Variants in DPY19L4 observed in about 807,000 individuals in gnomAD.
DPY19L4 encodes the protein probable C-mannosyltransferase DPY19L4.
DPY19L4 carries 97 observed loss-of-function variants against 102.8 expected under a neutral mutation model. The observed-to-expected ratio is 0.94, with a 90% CI of 0.80 to 1.12. The LOEUF is 1.12. Among genes scored for constraint, DPY19L4 ranks in the 50% most tolerant of loss-of-function variants. The pLI is 0.00. For synonymous variants in DPY19L4, 252 were observed against 283.1 expected (o/e 0.89, Z 1.10); for missense variants, 815 against 850.4 (o/e 0.96, Z 0.52).
At chr8:94,774,703 G>A (rs189792757) in intron 13 of DPY19L4, among the ~76,000 whole-genome samples, 2 of 151,230 alleles carry the variant, frequency 1.3e-5, no homozygotes, top group Admixed American at 1.3e-4. Flanking sequence ...TCAGCCTCCT[G>A]AGTAACTGGG....
intron 6 of DPY19L4, among the ~76,000 whole-genome samples, chr8:94,748,845 G>A (rs1285587909): frequency 6.6e-6 from 1 of 152,108 alleles, no homozygotes; most frequent in Non-Finnish European, 1.5e-5. Context: ...ATGATCTGAG[G>A]TGGAACAATT....
intron 7 of DPY19L4, among the ~76,000 whole-genome samples, chr8:94,759,723 G>A (rs925042292): frequency 3.3e-5 from 5 of 150,850 alleles, no homozygotes; most frequent in African/African-American, 9.8e-5. Context: ...GGCTGGTCTC[G>A]AACTCCCGAC....
intron 2 of DPY19L4, among the ~76,000 whole-genome samples, chr8:94,732,132 A>G (rs145282004): frequency 6.6e-6 from 1 of 150,792 alleles, no homozygotes; most frequent in African/African-American, 2.5e-5. Context: ...TAGTTACTCT[A>G]TACTAGTTTG....
Position 94,720,016 on chromosome 8 carries a change from TGA to T in DPY19L4, c.16+3_16+4del. 1.3e-6 allele frequency: 2 copies of T among 1,524,986 alleles called. No homozygotes were observed. Among genetic ancestry groups the T allele is most frequent in the South Asian group, 2.5e-5 (2 of 81,630 alleles). The allele number at this position is 1,524,986 out of a possible 1,614,324, so 94.5% of individuals were successfully genotyped here. A position where few individuals can be genotyped will look rare whatever the true frequency, so the allele number is the denominator to read the frequency against. Reference sequence around the variant, plus strand: ...CAGAAACGATGGCGGAGGAAGAAGGTGATTGCCGCGGGGTCCAGCGCGCCAAC... The same window carrying T: ...CAGAAACGATGGCGGAGGAAGAAGGTTTGCCGCGGGGTCCAGCGCGCCAAC... On this transcript the variant is annotated splice_donor_region_variant and intron_variant, in intron 1 of 18. Transcript: ENST00000414645.
At chr8:94,734,591 A>G (rs1443746128) in intron 2 of DPY19L4, 39 bp from the exon 3 acceptor site, 4 of 1,571,982 alleles carry the variant, frequency 2.5e-6, no homozygotes, top group Admixed American at 1.8e-5. Context: ...TATCAAGGGT[A>G]CATATTACCT....
Position 94,761,698 on chromosome 8 carries a change from A to G in DPY19L4, c.736-2A>G, listed in dbSNP as rs760766744. 29 of 1,588,872 alleles carry G rather than the reference A, an allele frequency of 1.8e-5. No homozygotes were observed. Among genetic ancestry groups the G allele is most frequent in the Non-Finnish European group, 2.2e-5 (26 of 1,171,360 alleles). On this transcript the variant is annotated splice_acceptor_variant, in intron 7 of 18. Transcript: ENST00000414645. LOFTEE classifies it high-confidence loss of function. ...TTAGTTTCTTTCATTTGTTTTCCCTAGAGGTTTTGCTACTTGTTGATGAGT... is the reference window on the plus strand; with the variant it reads ...TTAGTTTCTTTCATTTGTTTTCCCTGGAGGTTTTGCTACTTGTTGATGAGT...
chr8:94,751,543 G>A (rs2130851606), intron 6 of DPY19L4, among the ~76,000 whole-genome samples: 1 of 152,116 alleles, frequency 6.6e-6, no homozygotes, highest in East Asian at 1.9e-4. Flanking sequence ...CCAAGCTGGA[G>A]TGCAGTGGCA....
intron 2 of DPY19L4, among the ~76,000 whole-genome samples, chr8:94,728,480 T>C (rs1019818991): frequency 6.6e-6 from 1 of 152,232 alleles, no homozygotes; most frequent in African/African-American, 2.4e-5. Context: ...GAATGTGTCA[T>C]CCTTAAGGGC....
intron 17 of DPY19L4, among the ~76,000 whole-genome samples, chr8:94,784,748 A>T (rs1813584407): frequency 6.6e-6 from 1 of 152,200 alleles, no homozygotes; most frequent in Non-Finnish European, 1.5e-5. Context: ...AATTTTTAAA[A>T]GAAGGCTGTC....
At chr8:94,748,003 A>T (rs1426920193) in intron 6 of DPY19L4, among the ~76,000 whole-genome samples, 1 of 152,190 alleles carries the variant, frequency 6.6e-6, no homozygotes, top group Non-Finnish European at 1.5e-5. Flanking sequence ...TTGTGCTACA[A>T]TCTGTCAGAC....
At chr8:94,749,133 G>GC (rs752067942) in intron 6 of DPY19L4, among the ~76,000 whole-genome samples, 26 of 152,152 alleles carry the variant, frequency 1.7e-4, no homozygotes, top group Admixed American at 5.2e-4. Flanking sequence ...GGAAAGACTT[G>GC]CCCCCATGAT....
chr8:94,742,384 C>T (rs1388608145), intron 6 of DPY19L4, among the ~76,000 whole-genome samples: 2 of 151,474 alleles, frequency 1.3e-5, no homozygotes, highest in Non-Finnish European at 2.9e-5. Flanking sequence ...TTATATTTTA[C>T]TTATTTTTTT....
intron 18 of DPY19L4, among the ~76,000 whole-genome samples, chr8:94,789,335 G>A (rs1455526900): frequency 6.6e-6 from 1 of 152,130 alleles, no homozygotes; most frequent in East Asian, 1.9e-4. Context: ...GTAAAGGTCT[G>A]CACTAAGTCA....
At chr8:94,783,077 T>G (rs1160201338) in intron 16 of DPY19L4, among the ~76,000 whole-genome samples, 1 of 149,980 alleles carries the variant, frequency 6.7e-6, no homozygotes, top group Non-Finnish European at 1.5e-5. Context: ...ATTTAGACAG[T>G]GAATAAATAA....
At chr8:94,777,883 A>G (rs1813259412) in intron 14 of DPY19L4, 97 bp downstream of exon 14, 1 of 1,358,608 alleles carries the variant, frequency 7.4e-7, no homozygotes, top group African/African-American at 1.5e-5. Context: ...AGCATGAGTA[A>G]ATTACATGAT....
intron 18 of DPY19L4, 43 bp downstream of exon 18, chr8:94,788,095 A>ATATATATATATTT (rs778540423): frequency 2.1e-6 from 2 of 971,368 alleles, no homozygotes; most frequent in African/African-American, 2.3e-5. Context: ...ATATATATAT[A>ATATATATATATTT]TTTTTTTTTT....
rs78203800 is a variant in DPY19L4, at chr8:94,745,617, C to T, written c.611+5827C>T. 1.9e-3 allele frequency among the ~76,000 whole-genome samples: 284 copies of T among 152,262 alleles called. 1 individual carries two copies. Among genetic ancestry groups the T allele is most frequent in the African/African-American group, 6.5e-3 (271 of 41,556 alleles). ...TCTGTGGTGATGATGTTGGTATACT[C>T]AGGCTGCTGGTGGAGATATAAGTTT... On this transcript the variant is annotated intron_variant, in intron 6 of 18. Transcript: ENST00000414645.
chr8:94,754,978 G>A (rs952261349), intron 6 of DPY19L4, among the ~76,000 whole-genome samples: 4 of 152,010 alleles, frequency 2.6e-5, no homozygotes, highest in African/African-American at 9.7e-5. Context: ...TAGTAAAGAC[G>A]GGTTTCACCA....
chr8:94,779,077 C>T (rs1209811421), intron 14 of DPY19L4, among the ~76,000 whole-genome samples: 1 of 152,146 alleles, frequency 6.6e-6, no homozygotes, highest in East Asian at 1.9e-4. Flanking sequence ...GATAGTCCTA[C>T]AGGCAACAGA....
Sources: gnomAD v4.1 joint callset for allele counts (sites outside exome capture counted in the v4.1 genomes callset) on GRCh38, gnomAD v4.1.1 for gene constraint, MANE v1.5 for transcripts, NCBI Gene and HGNC (gene_info 2026-07-23, HGNC 2026-07-21) for gene names.